Variants in CHIC1 observed in about 807,000 individuals in gnomAD.
The protein encoded by CHIC1 is cysteine-rich hydrophobic domain-containing protein 1.
A neutral mutation model predicts 18.5 loss-of-function variants in CHIC1; 7 were observed. The ratio of observed to expected loss-of-function variants is 0.38; its 90% CI spans 0.22 to 0.71. The LOEUF (loss-of-function observed/expected upper bound fraction) is 0.71. Ranked by LOEUF, CHIC1 falls within the 30% of genes least tolerant of loss-of-function variation. CHIC1 has a pLI of 0.49. For synonymous variants in CHIC1, 77 were observed against 73.5 expected (o/e 1.05, Z -0.25); for missense variants, 159 against 176.9 (o/e 0.90, Z 0.57).
intron 3 of CHIC1, among the ~76,000 whole-genome samples, chrX:73,667,370 T>C (rs757250427): frequency 1.7e-4 from 19 of 112,016 alleles, no homozygotes; most frequent in Non-Finnish European, 3.2e-4. Context: ...TGTTATTATG[T>C]ATGGATTTGA....
chrX:73,632,176 A>G (rs752842764), intron 3 of CHIC1, among the ~76,000 whole-genome samples: 43 of 112,453 alleles, frequency 3.8e-4, no homozygotes, highest in Non-Finnish European at 6.8e-4. Context: ...ATATGCATTT[A>G]TAGTATCTTC....
chrX:73,672,073 C>G (rs1474226551), intron 3 of CHIC1, among the ~76,000 whole-genome samples: 1 of 111,475 alleles, frequency 9.0e-6, no homozygotes. Context: ...TCTGGTTCAT[C>G]CATGTCCCTA....
At position 73,686,158 on chromosome X, in the gene CHIC1, G is replaced by A. The variant is rs2058120582; in HGVS notation, c.*5153G>A. On this transcript the variant is annotated 3_prime_UTR_variant, in exon 6 of 6. Transcript: ENST00000373502. Reference sequence around the variant, plus strand: ...CAACTTATTAAATACTTGGGAACATGGGAAAAGAATAATGAAGGGATTCTT... The same window carrying A: ...CAACTTATTAAATACTTGGGAACATAGGAAAAGAATAATGAAGGGATTCTT... The A allele has an allele frequency of 9.0e-6, 1 of 111,117 alleles. No individual in the cohort carries two copies. Among genetic ancestry groups the A allele is most frequent in the Non-Finnish European group, 1.9e-5 (1 of 52,800 alleles). 9.2% of individuals were successfully genotyped at this position (111,117 alleles called of 1,213,427 possible). A position where few individuals can be genotyped will look rare whatever the true frequency, so the allele number is the denominator to read the frequency against.
In CHIC1 at chrX:73,685,878, ATACT is replaced by A; in HGVS notation, c.*4876_*4879del. The A allele has an allele frequency of 9.0e-6, 1 of 111,540 alleles. No homozygotes were observed. Among genetic ancestry groups the A allele is most frequent in the Admixed American group, 9.6e-5 (1 of 10,433 alleles). 9.2% of individuals were successfully genotyped at this position (111,540 alleles called of 1,213,427 possible). ...GTGGGTAATTGTATTATGTTAATAC[ATACT>A]TAGGGAGGAAAAGCAGGTGGATGTA... On this transcript the variant is annotated 3_prime_UTR_variant, in exon 6 of 6. Coordinates refer to ENST00000373502, the MANE Select transcript of CHIC1 (RefSeq NM_001039840.4).
In CHIC1 at chrX:73,578,767, G is replaced by A. The variant is rs1446277755; in HGVS notation, c.351+1306G>A. ...TTACCTTTGATGGGAGAAGAGGAAT[G>A]TGATGGATAGAGGCAAGGGTAAGGA... On this transcript the variant is annotated intron_variant, in intron 2 of 5. Transcript: ENST00000373502. 5 of 110,601 alleles carry A rather than the reference G, an allele frequency of 4.5e-5. No homozygotes were observed. The East Asian group carries it at 1.4e-3, about 31-fold the overall frequency. The allele number at this position is 110,601 out of a possible 1,213,427, so 9.1% of individuals were successfully genotyped here. A position where few individuals can be genotyped will look rare whatever the true frequency, so the allele number is the denominator to read the frequency against.
At chrX:73,640,434 G>A in intron 3 of CHIC1, among the ~76,000 whole-genome samples, 1 of 111,745 alleles carries the variant, frequency 8.9e-6, no homozygotes, top group Non-Finnish European at 1.9e-5. Flanking sequence ...GAGTTTGCTA[G>A]TATTTTGTTG....
chrX:73,640,440 T>C (rs1216314720), intron 3 of CHIC1, among the ~76,000 whole-genome samples: 2 of 111,885 alleles, frequency 1.8e-5, no homozygotes, highest in Non-Finnish European at 3.8e-5. Flanking sequence ...GCTAGTATTT[T>C]GTTGAGGATT....
chrX:73,592,972 G>T (rs952075171), intron 3 of CHIC1, among the ~76,000 whole-genome samples: 13 of 110,404 alleles, frequency 1.2e-4, no homozygotes, highest in African/African-American at 4.3e-4. Flanking sequence ...ATTTCCTGTA[G>T]ATTTTCTAAT....
chrX:73,660,056 CA>C, intron 3 of CHIC1, among the ~76,000 whole-genome samples: 1 of 111,990 alleles, frequency 8.9e-6, no homozygotes, highest in Non-Finnish European at 1.9e-5. Flanking sequence ...ACCTCCCAGC[CA>C]AAGTGGAATC....
rs59548312 is a variant in CHIC1 at position 73,660,157 on chromosome X, A to T, written c.508-19169A>T. On this transcript the variant is annotated intron_variant, in intron 3 of 5. Transcript: ENST00000373502. ...ATTGCCCAGTTTGAGGCTACCTGCA[A>T]CTAAGACTGTTAAGGCATTTCCTTT... Among the ~76,000 whole-genome samples, 723 of 112,510 alleles carry T rather than the reference A, an allele frequency of 6.4e-3. 8 individuals are homozygous for T. The highest frequency in any genetic ancestry group is 0.022 in the African/African-American group (678 of 31,003).
chrX:73,570,392 A>G (rs780571136), intron 1 of CHIC1, among the ~76,000 whole-genome samples: 1 of 111,217 alleles, frequency 9.0e-6, no homozygotes, highest in Non-Finnish European at 1.9e-5. Context: ...CATTATGAGA[A>G]TGATTTCAAA....
chrX:73,647,358 G>A (rs2057894397), intron 3 of CHIC1, among the ~76,000 whole-genome samples: 1 of 111,964 alleles, frequency 8.9e-6, no homozygotes, highest in Admixed American at 9.4e-5. Flanking sequence ...TGGAGAGATG[G>A]GTGACCAGCA....
chrX:73,667,928 G>A (rs1160628149), intron 3 of CHIC1, among the ~76,000 whole-genome samples: 1 of 111,684 alleles, frequency 9.0e-6, no homozygotes, highest in Non-Finnish European at 1.9e-5. Flanking sequence ...TTGGGGAAGT[G>A]CTCTTGGATG....
At chrX:73,598,655 A>G (rs909831747) in intron 3 of CHIC1, among the ~76,000 whole-genome samples, 7 of 109,766 alleles carry the variant, frequency 6.4e-5, no homozygotes, top group Non-Finnish European at 9.5e-5. Flanking sequence ...TACAAAGGAC[A>G]TGAACTCATC....
intron 2 of CHIC1, among the ~76,000 whole-genome samples, chrX:73,578,996 A>G (rs938723983): frequency 5.4e-5 from 6 of 110,523 alleles, no homozygotes; most frequent in East Asian, 5.7e-4. Flanking sequence ...CGTAATCACA[A>G]TCTTCCCCCC....
intron 3 of CHIC1, among the ~76,000 whole-genome samples, chrX:73,592,660 G>T (rs1211385154): frequency 9.2e-6 from 1 of 108,792 alleles, no homozygotes; most frequent in East Asian, 2.9e-4. Flanking sequence ...TTGGCCTGAA[G>T]TTTTTTTTTC....
In CHIC1 at chrX:73,606,208, T is replaced by A. The variant is rs1453657162; in HGVS notation, c.507+21636T>A. On this transcript the variant is annotated intron_variant, in intron 3 of 5. Coordinates refer to ENST00000373502, the MANE Select transcript of CHIC1 (RefSeq NM_001039840.4). ...TTTCATTCTTTTTTCTCTAATCTTG[T>A]CTTCATGCTTTATTTCATTGAGTTG... Among the ~76,000 whole-genome samples, 4 of 107,316 alleles carry A rather than the reference T, an allele frequency of 3.7e-5. 1 individual carries two copies. Among genetic ancestry groups the A allele is most frequent in the African/African-American group, 1.5e-4 (4 of 27,540 alleles). 93.2% of individuals were successfully genotyped at this position (107,316 alleles called of 115,157 possible). A position where few individuals can be genotyped will look rare whatever the true frequency, so the allele number is the denominator to read the frequency against.
chrX:73,628,557 A>G (rs999903533), intron 3 of CHIC1, among the ~76,000 whole-genome samples: 1 of 111,210 alleles, frequency 9.0e-6, no homozygotes, highest in Non-Finnish European at 1.9e-5. Context: ...CAGTTTTTCT[A>G]TCTGCTCTAG....
At chrX:73,641,263 C>T (rs1421031628) in intron 3 of CHIC1, among the ~76,000 whole-genome samples, 1 of 110,033 alleles carries the variant, frequency 9.1e-6, no homozygotes, top group African/African-American at 3.3e-5. Flanking sequence ...ATTGTGTGGT[C>T]AATTTTATAA....
Sources: allele counts gnomAD v4.1 joint callset (sites outside exome capture counted in the v4.1 genomes callset), GRCh38; gene constraint gnomAD v4.1.1; transcripts MANE v1.5; gene names NCBI Gene and HGNC (gene_info 2026-07-23, HGNC 2026-07-21).